ADAMTS20: variants seen among roughly 807,000 people sequenced by gnomAD.
The protein encoded by ADAMTS20 is A disintegrin and metalloproteinase with thrombospondin motifs 20.
In ADAMTS20, 225 loss-of-function variants were observed where a neutral mutation model predicts 260.1. That is an observed-to-expected ratio of 0.87 (90% CI 0.78 to 0.97). ADAMTS20 has a LOEUF of 0.97. Ranked by LOEUF, ADAMTS20 falls within the 50% of genes least tolerant of loss-of-function variation. The probability of loss-of-function intolerance (pLI) is 0.00; values close to 1 mark genes in which losing one functional copy is unlikely to be tolerated. For missense variants in ADAMTS20, 2,400 were observed against 2,337.7 expected (o/e 1.03, Z -0.55); for synonymous variants, 802 against 769.5 (o/e 1.04, Z -0.70).
chr12:43,408,848 T>C (rs1458926812), intron 28 of ADAMTS20, among the ~76,000 whole-genome samples: 1 of 152,216 alleles, frequency 6.6e-6, no homozygotes, highest in Non-Finnish European at 1.5e-5. Context: ...AATACTAATC[T>C]AGCAGTACAT....
chr12:43,551,946 G>C lies in ADAMTS20; in HGVS notation c.-25C>G. On this transcript the variant is annotated 5_prime_UTR_variant, in exon 1 of 39. Transcript: ENST00000389420. The surrounding 1 kb of genome is among the most constrained non-coding windows in gnomAD (Gnocchi z 4.6). Reference sequence around the variant, plus strand: ...TGGTTCCACCCTGGGGACCCCGATCGGGGAGGCCCACCAGAGCCGCCGGCA... The same window carrying C: ...TGGTTCCACCCTGGGGACCCCGATCCGGGAGGCCCACCAGAGCCGCCGGCA... The C allele has an allele frequency of 3.1e-6, 5 of 1,607,418 alleles. No homozygotes were observed. The South Asian group carries it at 3.3e-5, about 11-fold the overall frequency.
intron 5 of ADAMTS20, 123 bp from the exon 6 acceptor site, chr12:43,492,752 C>T: frequency 9.4e-7 from 1 of 1,058,400 alleles, no homozygotes; most frequent in Admixed American, 2.5e-5. Flanking sequence ...GGAGTGACAG[C>T]ATCTCTTCTT....
intron 28 of ADAMTS20, among the ~76,000 whole-genome samples, chr12:43,410,321 A>G (rs1310652481): frequency 1.3e-5 from 2 of 152,190 alleles, no homozygotes; most frequent in Non-Finnish European, 2.9e-5. Context: ...AACAGAGGAA[A>G]TATCTGAGCA....
intron 21 of ADAMTS20, 133 bp from the exon 22 acceptor site, chr12:43,431,629 AC>A: frequency 9.7e-7 from 1 of 1,028,792 alleles, no homozygotes; most frequent in Non-Finnish European, 1.5e-6. Flanking sequence ...CCCTCACTCC[AC>A]CAGAGATATT....
chr12:43,480,282 A>G (rs1592091070), intron 7 of ADAMTS20, among the ~76,000 whole-genome samples: 1 of 152,190 alleles, frequency 6.6e-6, no homozygotes, highest in South Asian at 2.1e-4. Context: ...TCCTGAAAAT[A>G]TATGCATGAA....
chr12:43,396,686 TA>T (rs1414967883), intron 29 of ADAMTS20, among the ~76,000 whole-genome samples: 1 of 152,190 alleles, frequency 6.6e-6, no homozygotes, highest in African/African-American at 2.4e-5. Context: ...TTCATATCTG[TA>T]TTTTTGAAGC....
intron 28 of ADAMTS20, among the ~76,000 whole-genome samples, chr12:43,424,279 A>G (rs1428091593): frequency 6.6e-6 from 1 of 152,136 alleles, no homozygotes; most frequent in Non-Finnish European, 1.5e-5. Context: ...ATATAGTTAT[A>G]TATTAATTAC....
chr12:43,367,926 TCAAA>T (rs1940022570), intron 37 of ADAMTS20, among the ~76,000 whole-genome samples: 1 of 152,042 alleles, frequency 6.6e-6, no homozygotes, highest in South Asian at 2.1e-4. Flanking sequence ...ACTCTACCTG[TCAAA>T]GCCTTCTTAA....
At position 43,490,399 on chromosome 12, in the gene ADAMTS20, C is replaced by T. The variant is rs1333909227; in HGVS notation, c.1113G>A (p.Met371Ile). ...TTAATTGACAAAATAACTTACCTAACATGTTACATTTCTCTTTAGATGAAC... is the reference window on the plus strand; with the variant it reads ...TTAATTGACAAAATAACTTACCTAATATGTTACATTTCTCTTTAGATGAAC... The part of the protein sequence containing the change: ...DICSSKEKCN[M>I]LGLSYLGTIC... The change falls in exon 7 of 39, where the codon ATG becomes ATA. Residue 371 changes from methionine to isoleucine, a missense_variant. By Grantham distance (10) the Met-to-Ile change is conservative. Coordinates refer to ENST00000389420, the MANE Select transcript of ADAMTS20 (RefSeq NM_025003.5). 6.3e-6 allele frequency: 8 copies of T among 1,265,210 alleles called. No individual in the cohort carries two copies. Among genetic ancestry groups the T allele is most frequent in the South Asian group, 6.2e-5 (4 of 64,684 alleles). 78.4% of individuals were successfully genotyped at this position (1,265,210 alleles called of 1,614,324 possible). A position where few individuals can be genotyped will look rare whatever the true frequency, so the allele number is the denominator to read the frequency against.
chr12:43,531,925 T>A (rs1405579666), intron 3 of ADAMTS20, 111 bp downstream of exon 3: 32 of 770,764 alleles, frequency 4.2e-5, no homozygotes, highest in Non-Finnish European at 4.7e-5. Flanking sequence ...ATTTAAAAAA[T>A]TAATTAAAAA....
intron 2 of ADAMTS20, among the ~76,000 whole-genome samples, chr12:43,542,437 T>G (rs1311611962): frequency 6.6e-6 from 1 of 152,182 alleles, no homozygotes; most frequent in South Asian, 2.1e-4. Flanking sequence ...GTAGCATATA[T>G]TTTCCTAGTT....
intron 3 of ADAMTS20, among the ~76,000 whole-genome samples, 180 bp from the exon 4 acceptor site, chr12:43,502,585 C>T (rs1942784754): frequency 6.6e-6 from 1 of 151,986 alleles, no homozygotes; most frequent in African/African-American, 2.4e-5. Context: ...ATGAAGATTG[C>T]TTTTTATAGT....
At chr12:43,531,985 A>T (rs1943227254) in intron 3 of ADAMTS20, 51 bp downstream of exon 3, 1 of 1,213,086 alleles carries the variant, frequency 8.2e-7, no homozygotes, top group Admixed American at 3.2e-5. Context: ...ATAAAAAAAG[A>T]TTTAAATAGT....
intron 37 of ADAMTS20, among the ~76,000 whole-genome samples, chr12:43,367,602 G>C (rs1940015561): frequency 6.6e-6 from 1 of 152,004 alleles, no homozygotes; most frequent in South Asian, 2.1e-4. Flanking sequence ...ACTGCTGAAG[G>C]ACTGAATGCC....
chr12:43,496,389 G>A (rs1427161722), intron 4 of ADAMTS20, among the ~76,000 whole-genome samples: 1 of 152,196 alleles, frequency 6.6e-6, no homozygotes, highest in Non-Finnish European at 1.5e-5. Flanking sequence ...TGGCTTTAGA[G>A]CACTGACTAC....
rs745772339 is a variant in ADAMTS20, at chr12:43,443,842, C to A, written c.2239G>T (p.Val747Phe). The change falls in exon 16 of 39, where the codon GTT becomes TTT. Residue 747 changes from valine (V) to phenylalanine (F), a missense_variant. By Grantham distance (50) the Val-to-Phe change is conservative (BLOSUM62 -1). Transcript: ENST00000389420. ...GAATAGCTGTACTGACGAATGTCAA[C>A]GTTTGTTGCTCCTGCGGGAATCTTT... ...VVKIPAGATNVDIRQYSYSGQ... is the reference protein window; with the variant it reads ...VVKIPAGATNFDIRQYSYSGQ... 6.2e-7 allele frequency: 1 copy of A among 1,613,162 alleles called. No individual in the cohort carries two copies. Among genetic ancestry groups the A allele is most frequent in the Non-Finnish European group, 8.5e-7 (1 of 1,179,344 alleles).
At chr12:43,381,015 A>G (rs1940337447) in intron 31 of ADAMTS20, among the ~76,000 whole-genome samples, 1 of 152,202 alleles carries the variant, frequency 6.6e-6, no homozygotes, top group Non-Finnish European at 1.5e-5. Flanking sequence ...TCAAGACTAC[A>G]TGGTAATAAT....
At chr12:43,470,990 G>A (rs991455611) in intron 7 of ADAMTS20, among the ~76,000 whole-genome samples, 1 of 152,220 alleles carries the variant, frequency 6.6e-6, no homozygotes, top group Non-Finnish European at 1.5e-5. Context: ...GAGCCAAGAT[G>A]GCCGAATAGG....
chr12:43,501,473 G>GCACACACACACACACACACACA (rs1198759318), intron 4 of ADAMTS20, among the ~76,000 whole-genome samples: 1 of 55,480 alleles, frequency 1.8e-5, no homozygotes, highest in African/African-American at 7.6e-5. Flanking sequence ...GCGCGCGCGC[G>GCACACACACACACACACACACA]CGCGCGCGCA....
Sources: allele counts gnomAD v4.1 joint callset (sites outside exome capture counted in the v4.1 genomes callset), GRCh38; gene constraint gnomAD v4.1.1; non-coding constraint Gnocchi (gnomAD v3.1); transcripts MANE v1.5; gene names NCBI Gene and HGNC (gene_info 2026-07-23, HGNC 2026-07-21).